Variants in VEGFB observed in about 807,000 individuals in gnomAD.
The protein encoded by VEGFB is vascular endothelial growth factor B.
Under a neutral mutation model 22.5 loss-of-function variants are expected in VEGFB, and 24 were observed. That is an observed-to-expected ratio of 1.07 (90% CI 0.77 to 1.50). The LOEUF (loss-of-function observed/expected upper bound fraction) is 1.50, where lower values mean the gene tolerates loss of function less well. VEGFB is among the 40% of genes most tolerant of loss of function. The probability of loss-of-function intolerance (pLI) is 0.00; values close to 1 mark genes in which losing one functional copy is unlikely to be tolerated. For missense variants in VEGFB, 327 were observed against 287.8 expected (o/e 1.14, Z -0.99); for synonymous variants, 141 against 117.4 (o/e 1.20, Z -1.30).
Position 64,237,463 on chromosome 11 carries a change from G to C in VEGFB, c.454G>C (p.Gly152Arg), listed in dbSNP as rs149628057. 1 of 1,611,902 alleles carries C rather than the reference G, an allele frequency of 6.2e-7. No homozygotes were observed. The highest frequency in any genetic ancestry group is 1.1e-5 in the South Asian group (1 of 90,986). ...HHRPQPRSVP[G>R]WDSAPGAPSP... is the part of the protein sequence containing the mutation. ...CCGTCCCCAGCCCCGTTCTGTTCCGGGCTGGGACTCTGCCCCCGGAGCACC... is the reference window on the plus strand; with the variant it reads ...CCGTCCCCAGCCCCGTTCTGTTCCGCGCTGGGACTCTGCCCCCGGAGCACC... The change falls in exon 6 of 7, where the codon GGC becomes CGC. Residue 152 changes from glycine to arginine, a missense_variant. Gly to Arg is a moderately radical substitution (Grantham distance 125, BLOSUM62 -2). Transcript: ENST00000309422.
intron 6 of VEGFB, chr11:64,237,998 G>A (rs1054984442): frequency 1.5e-5 from 7 of 478,016 alleles, no homozygotes; most frequent in South Asian, 6.5e-5. Context: ...CTTGCAGTTC[G>A]GGCCTTCCCA....
Position 64,235,662 on chromosome 11 carries a change from T to C in VEGFB, c.104-151T>C, listed in dbSNP as rs2029954334. The stretch of plus-strand genomic sequence containing the variant: ...TTGAGGCAGTGGGGTTACTGGGATC[T>C]GGATAAACAGGGCAGGGGAAGACAG... On this transcript the variant is annotated intron_variant, in intron 2 of 6. Coordinates refer to ENST00000309422, the MANE Select transcript of VEGFB (RefSeq NM_003377.5). The C allele has an allele frequency of 4.9e-6, 6 of 1,235,342 alleles. No individual in the cohort carries two copies. The Admixed American group carries it at 1.2e-4, about 26-fold the overall frequency. The allele number at this position is 1,235,342 out of a possible 1,614,324, so 76.5% of individuals were successfully genotyped here.
chr11:64,237,126 G>GGGAGAGGGAGAGGGA (rs2030143532), intron 4 of VEGFB, 61 bp from the exon 5 acceptor site: 1 of 710,976 alleles, frequency 1.4e-6, no homozygotes, highest in African/African-American at 2.5e-5. Flanking sequence ...AGAGAGAGTA[G>GGGAGAGGGAGAGGGA]GATGCTGGGA....
rs575979361 is a variant in VEGFB at position 64,236,345 on chromosome 11, C to A, written c.374+18C>A. 3.7e-6 allele frequency: 6 copies of A among 1,612,916 alleles called. No individual in the cohort carries two copies. In the South Asian group the frequency reaches 5.5e-5, roughly 15 times the overall value. On this transcript the variant is annotated intron_variant, in intron 4 of 6. Transcript: ENST00000309422. ...GAATGCAGGTGCCAGCCAGGCCCAA[C>A]TTCTGAGCTCGCAGAGGCCAGGCTT...
chr11:64,237,127 G>GAGAGAGATATATATATATATATATAT, intron 4 of VEGFB, 60 bp from the exon 5 acceptor site: 1 of 813,206 alleles, frequency 1.2e-6, no homozygotes, highest in East Asian at 3.2e-5. Context: ...GAGAGAGTAG[G>GAGAGAGATATATATATATATATATAT]ATGCTGGGAT....
chr11:64,235,369 TA>T, intron 1 of VEGFB, 88 bp from the exon 2 acceptor site: 1 of 1,240,276 alleles, frequency 8.1e-7, no homozygotes, highest in Non-Finnish European at 1.2e-6. Flanking sequence ...TGGTGAAGCC[TA>T]CTGATGCAAG....
intron 4 of VEGFB, among the ~76,000 whole-genome samples, chr11:64,236,890 C>A (rs1262611131): frequency 6.8e-6 from 1 of 148,060 alleles, no homozygotes. Flanking sequence ...ACCAGCCTGG[C>A]CAACATGGTG....
chr11:64,235,560 T>C, intron 2 of VEGFB, 60 bp downstream of exon 2: 1 of 1,536,754 alleles, frequency 6.5e-7, no homozygotes, highest in South Asian at 1.1e-5. Flanking sequence ...TGGGCCCTGA[T>C]TCCAGGTGTC....
intron 3 of VEGFB, 105 bp from the exon 4 acceptor site, chr11:64,236,149 G>A (rs139798891): frequency 6.5e-7 from 1 of 1,533,992 alleles, no homozygotes; most frequent in East Asian, 2.3e-5. Context: ...GGGAGGGCTG[G>A]TGGCCAGCCT....
In VEGFB at chr11:64,234,874, TG is replaced by T; in HGVS notation, c.42del (p.Gln15SerfsTer25). The T allele has an allele frequency of 7.7e-7, 1 of 1,302,864 alleles. No individual in the cohort carries two copies. Among genetic ancestry groups the T allele is most frequent in the South Asian group, 2.2e-5 (1 of 45,928 alleles). 80.7% of individuals were successfully genotyped at this position (1,302,864 alleles called of 1,614,324 possible). On this transcript the variant is annotated frameshift_variant, in exon 1 of 7. Coordinates refer to ENST00000309422, the MANE Select transcript of VEGFB (RefSeq NM_003377.5). LOFTEE classifies it high-confidence loss of function. The surrounding 1 kb of genome is among the most constrained non-coding windows in gnomAD (Gnocchi z 5.3). ...LLRRLLLAAL[L>X]QLAPAQAPVS... ...CGCCGCCTGCTGCTCGCCGCACTCCTGCAGCTGGCCCCCGCCCAGGTACGTG... is the reference window on the plus strand; with the variant it reads ...CGCCGCCTGCTGCTCGCCGCACTCCTCAGCTGGCCCCCGCCCAGGTACGTG...
At chr11:64,237,111 G>T (rs994085092) in intron 4 of VEGFB, 76 bp from the exon 5 acceptor site, 1 of 819,790 alleles carries the variant, frequency 1.2e-6, no homozygotes, top group South Asian at 1.9e-5. Flanking sequence ...GAGAGAGAGA[G>T]AGAGAGAGAG....
Position 64,237,668 on chromosome 11 carries a change from T to TGG in VEGFB, c.*22+16_*22+17dup. 6.6e-7 allele frequency: 1 copy of TGG among 1,507,170 alleles called. No individual in the cohort carries two copies. Among genetic ancestry groups the TGG allele is most frequent in the Non-Finnish European group, 8.9e-7 (1 of 1,123,744 alleles). 93.4% of individuals were successfully genotyped at this position (1,507,170 alleles called of 1,614,324 possible). A position where few individuals can be genotyped will look rare whatever the true frequency, so the allele number is the denominator to read the frequency against. ...CAGACACCTGCAGGTGAGGCGTCTG[T>TGG]GGGGTGGTGTTTGTTTGGGAAGGCA... On this transcript the variant is annotated intron_variant, in intron 6 of 6. Coordinates refer to ENST00000309422, the MANE Select transcript of VEGFB (RefSeq NM_003377.5).
intron 4 of VEGFB, among the ~76,000 whole-genome samples, chr11:64,236,897 G>T (rs1380142679): frequency 6.8e-6 from 1 of 147,654 alleles, no homozygotes; most frequent in African/African-American, 2.5e-5. Flanking sequence ...TGGCCAACAT[G>T]GTGAAACCCC....
At chr11:64,235,604 A>T in intron 2 of VEGFB, 104 bp downstream of exon 2, 1 of 1,346,898 alleles carries the variant, frequency 7.4e-7, no homozygotes, top group South Asian at 1.2e-5. Context: ...GAAGATTCAA[A>T]CTATTATTCT....
intron 6 of VEGFB, chr11:64,237,993 A>AG (rs2135002019): frequency 2.1e-6 from 1 of 475,498 alleles, no homozygotes; most frequent in East Asian, 3.4e-5. Context: ...TCCAGCTTGC[A>AG]GTTCGGGCCT....
chr11:64,234,987 G>A lies in VEGFB; in HGVS notation c.60+94G>A, dbSNP rs1342606188. 2.8e-6 allele frequency: 3 copies of A among 1,064,730 alleles called. No individual in the cohort carries two copies. The highest frequency in any genetic ancestry group is 3.6e-6 in the Non-Finnish European group (3 of 836,474). 66.0% of individuals were successfully genotyped at this position (1,064,730 alleles called of 1,614,324 possible). ...GGCGACCCGCGGCCTCGGCCGAGGG[G>A]ATCTGCGGGGTCCGGCCTTGGACGC... On this transcript the variant is annotated intron_variant, in intron 1 of 6. Coordinates refer to ENST00000309422, the MANE Select transcript of VEGFB (RefSeq NM_003377.5). This position sits in a 1 kb window ranked among gnomAD's most constrained non-coding sequence, Gnocchi z 5.3.
Position 64,239,111 on chromosome 11 carries a change from T to G in VEGFB, c.*778T>G, listed in dbSNP as rs535450180. ...TAGGACCCAGATCTACTGAGTGACC[T>G]TGCTTGTCACTACCCCTGCCTCTCT... On this transcript the variant is annotated 3_prime_UTR_variant, in exon 7 of 7. Coordinates refer to ENST00000309422, the MANE Select transcript of VEGFB (RefSeq NM_003377.5). Among the ~76,000 whole-genome samples the G allele has an allele frequency of 6.6e-6, 1 of 152,194 alleles. No individual in the cohort carries two copies. The highest frequency in any genetic ancestry group is 1.5e-5 in the Non-Finnish European group (1 of 68,034).
intron 1 of VEGFB, among the ~76,000 whole-genome samples, chr11:64,235,205 A>C (rs1433934709): frequency 6.6e-6 from 1 of 152,114 alleles, no homozygotes; most frequent in Admixed American, 6.5e-5. Flanking sequence ...GCAGCCCCCA[A>C]ACATGCTCGG....
At chr11:64,236,054 C>A in intron 3 of VEGFB, 45 bp downstream of exon 3, 2 of 1,546,514 alleles carry the variant, frequency 1.3e-6, no homozygotes, top group South Asian at 2.3e-5. Context: ...AGGTACTGGG[C>A]AGGTGGGGCA....
Sources: gnomAD v4.1 joint callset for allele counts (sites outside exome capture counted in the v4.1 genomes callset) on GRCh38, gnomAD v4.1.1 for gene constraint, Gnocchi (gnomAD v3.1) non-coding constraint, MANE v1.5 for transcripts, NCBI Gene and HGNC (gene_info 2026-07-23, HGNC 2026-07-21) for gene names.